Variants in EYS observed in about 807,000 individuals in gnomAD.
EYS encodes the protein EGF-like photoreceptor maintenance factor.
In EYS, 250 loss-of-function variants were observed where a neutral mutation model predicts 282.1. The ratio of observed to expected loss-of-function variants is 0.89; its 90% CI spans 0.80 to 0.98. EYS has a LOEUF of 0.98. Among genes scored for constraint, EYS ranks in the 50% least tolerant of loss-of-function variants. The pLI, the probability that EYS is intolerant of heterozygous loss-of-function variation, is 0.00. For synonymous variants in EYS, 1,355 were observed against 1,282.9 expected, an observed-to-expected ratio of 1.06 and a Z score of -1.20; for missense variants, 4,016 against 3,709.0, an observed-to-expected ratio of 1.08 and a Z score of -2.15.
At chr6:65,628,645 G>A (rs1043479964) in intron 2 of EYS, among the ~76,000 whole-genome samples, 5 of 151,814 alleles carry the variant, frequency 3.3e-5, no homozygotes, top group Admixed American at 2.0e-4. Flanking sequence ...AACTCCAGAC[G>A]CGCTACCTTA....
At chr6:65,158,257 A>T (rs2150219779) in intron 12 of EYS, among the ~76,000 whole-genome samples, 1 of 151,038 alleles carries the variant, frequency 6.6e-6, no homozygotes, top group South Asian at 2.1e-4. Flanking sequence ...AAGAAATATT[A>T]TAAGGAATGT....
intron 2 of EYS, among the ~76,000 whole-genome samples, chr6:65,609,026 T>G (rs1173117610): frequency 6.6e-6 from 1 of 152,078 alleles, no homozygotes; most frequent in East Asian, 1.9e-4. Flanking sequence ...GAATACAATC[T>G]AAAATAATGA....
chr6:64,824,381 T>C (rs1448275731), intron 19 of EYS, among the ~76,000 whole-genome samples: 3 of 151,972 alleles, frequency 2.0e-5, no homozygotes, highest in Non-Finnish European at 4.4e-5. Context: ...TGTTACTTAT[T>C]GGTACATCAT....
chr6:65,206,969 A>T (rs1766051707), intron 12 of EYS, among the ~76,000 whole-genome samples: 1 of 151,810 alleles, frequency 6.6e-6, no homozygotes, highest in Non-Finnish European at 1.5e-5. Context: ...TGGACCAAGA[A>T]AAGGATGTTC....
Position 64,945,798 on chromosome 6 carries a change from G to A in EYS, c.2376C>T (p.Ser792=). ...NNSTCTDLYK[S]YRCECTSGWT... ...GCTAAAAATATGTTACTCACCGATA[G>A]CTTTTGTAAAGGTCAGTACAGGTGG... The change falls in exon 15 of 43, where the codon AGC becomes AGT. Residue 792 remains serine (S), a synonymous_variant. Transcript: ENST00000503581. 3 of 1,549,116 alleles carry A rather than the reference G, an allele frequency of 1.9e-6. No homozygotes were observed. Among genetic ancestry groups the A allele is most frequent in the Non-Finnish European group, 2.6e-6 (3 of 1,145,396 alleles).
intron 12 of EYS, among the ~76,000 whole-genome samples, chr6:65,292,290 G>C (rs149169456): frequency 6.6e-6 from 1 of 151,628 alleles, no homozygotes; most frequent in African/African-American, 2.4e-5. Flanking sequence ...CACAAAATAG[G>C]CTACACTATA....
chr6:65,546,321 ATT>A lies in EYS; in HGVS notation c.-332-50330_-332-50329del, dbSNP rs111400363. On this transcript the variant is annotated intron_variant, in intron 2 of 42. Transcript: ENST00000503581. ...GGATTCTCCCAAAGTTCAGCCTATA[ATT>A]TTTTTTTTTTTAATTCTAGGTTTTA... 7.0e-3 allele frequency among the ~76,000 whole-genome samples: 1,030 copies of A among 148,092 alleles called. 14 individuals are homozygous for A. The highest frequency in any genetic ancestry group is 0.021 in the African/African-American group (865 of 40,520).
At chr6:63,891,351 A>G (rs996534230) in intron 35 of EYS, among the ~76,000 whole-genome samples, 5 of 152,184 alleles carry the variant, frequency 3.3e-5, no homozygotes, top group Admixed American at 6.5e-5. Context: ...AATACTAGCA[A>G]ACTAAATCCA....
chr6:65,356,641 G>A (rs10455577), intron 8 of EYS, among the ~76,000 whole-genome samples: 61,839 of 151,866 alleles, frequency 0.41, 12,746 homozygotes, highest in Non-Finnish European at 0.46. Flanking sequence ...TACTGAATAA[G>A]GACACTATGA....
intron 39 of EYS, among the ~76,000 whole-genome samples, chr6:63,782,593 G>A (rs1426263384): frequency 1.3e-5 from 2 of 152,164 alleles, no homozygotes; most frequent in African/African-American, 4.8e-5. Flanking sequence ...GATCGGTGGT[G>A]ATATCGCCTT....
chr6:64,170,252 G>C (rs11756096), intron 31 of EYS, among the ~76,000 whole-genome samples: 39,063 of 152,094 alleles, frequency 0.26, 5,318 homozygotes, highest in East Asian at 0.45. Context: ...TCTTGATTAA[G>C]GAAGCTTTGG....
intron 31 of EYS, among the ~76,000 whole-genome samples, chr6:64,209,933 CTT>C: frequency 6.6e-6 from 1 of 152,238 alleles, no homozygotes; most frequent in Non-Finnish European, 1.5e-5. Context: ...ACCTCTCTCT[CTT>C]TGACTTCCTT....
chr6:64,148,679 TTA>T (rs1459356848), intron 31 of EYS, among the ~76,000 whole-genome samples: 2 of 152,120 alleles, frequency 1.3e-5, no homozygotes, highest in African/African-American at 4.8e-5. Flanking sequence ...TCTTACATCT[TTA>T]TCTTTGTCCT....
In EYS at chr6:64,666,775, T is replaced by A. The variant is rs569607789; in HGVS notation, c.3444-40530A>T. 8.5e-5 allele frequency among the ~76,000 whole-genome samples: 13 copies of A among 152,344 alleles called. No individual in the cohort carries two copies. In the East Asian group the frequency reaches 1.9e-3, roughly 23 times the overall value. ...ACACATCTCAAAAGGAACCTACCAATAACCAGTCTGTTTATCCTACTTTCT... is the reference window on the plus strand; with the variant it reads ...ACACATCTCAAAAGGAACCTACCAAAAACCAGTCTGTTTATCCTACTTTCT... On this transcript the variant is annotated intron_variant, in intron 22 of 42. Transcript: ENST00000503581.
rs929173912 is a variant in EYS at position 64,480,159 on chromosome 6, C to T, written c.5645-40807G>A. 5.3e-5 allele frequency among the ~76,000 whole-genome samples: 8 copies of T among 152,002 alleles called. No individual in the cohort carries two copies. In the South Asian group the frequency reaches 6.2e-4, roughly 12 times the overall value. On this transcript the variant is annotated intron_variant, in intron 26 of 42. Coordinates refer to ENST00000503581, the MANE Select transcript of EYS (RefSeq NM_001142800.2). ...GTGGTCTGCTAAATACCACTAGTAA[C>T]TCATGTAATACTCATTGAAGATTTT...
intron 18 of EYS, among the ~76,000 whole-genome samples, chr6:64,890,810 A>T (rs913101938): frequency 2.0e-5 from 3 of 152,112 alleles, no homozygotes; most frequent in Non-Finnish European, 4.4e-5. Flanking sequence ...TGGCATACAG[A>T]CAACTATGTG....
chr6:65,434,561 C>T (rs1026141611), intron 5 of EYS, among the ~76,000 whole-genome samples: 9 of 152,086 alleles, frequency 5.9e-5, no homozygotes, highest in African/African-American at 1.9e-4. Flanking sequence ...ACCTTGTGAT[C>T]GGCCCGCCTT....
chr6:63,853,629 C>T (rs1009597006), intron 36 of EYS, among the ~76,000 whole-genome samples: 1 of 152,042 alleles, frequency 6.6e-6, no homozygotes. Context: ...ATTAGAAAAA[C>T]CTACTTTAAA....
chr6:64,489,584 A>C (rs1187116316), intron 26 of EYS, among the ~76,000 whole-genome samples: 2 of 148,040 alleles, frequency 1.4e-5, no homozygotes, highest in East Asian at 2.0e-4. Context: ...TTTATGTTAA[A>C]ATATTAAATT....
Sources: allele counts gnomAD v4.1 joint callset (sites outside exome capture counted in the v4.1 genomes callset), GRCh38; gene constraint gnomAD v4.1.1; transcripts MANE v1.5; gene names NCBI Gene and HGNC (gene_info 2026-07-23, HGNC 2026-07-21).